SDK1: variants seen among roughly 807,000 people sequenced by gnomAD.
SDK1 encodes protein sidekick-1.
SDK1 carries 157 observed loss-of-function variants against 245.5 expected under a neutral mutation model. That is an observed-to-expected ratio of 0.64 (90% CI 0.56 to 0.73). The LOEUF (loss-of-function observed/expected upper bound fraction) is 0.73. Among genes scored for constraint, SDK1 ranks in the 30% least tolerant of loss-of-function variants. The pLI is 0.00. For missense variants in SDK1, 3,583 were observed against 3,002.3 expected (o/e 1.19, Z -4.52); for synonymous variants, 1,647 against 1,278.5 (o/e 1.29, Z -6.15).
At chr7:3,831,122 A>G (rs1376978400) in intron 5 of SDK1, among the ~76,000 whole-genome samples, 2 of 152,236 alleles carry the variant, frequency 1.3e-5, no homozygotes, top group Non-Finnish European at 2.9e-5. Context: ...CAGTCATTTT[A>G]CAATCTCTGA....
intron 1 of SDK1, among the ~76,000 whole-genome samples, chr7:3,465,899 G>A (rs140996290): frequency 0.011 from 1,718 of 152,284 alleles, 39 homozygotes; most frequent in African/African-American, 0.04. Flanking sequence ...TACACCTAAG[G>A]CGTTCACACA....
At chr7:4,153,996 A>G (rs1230977014) in intron 30 of SDK1, among the ~76,000 whole-genome samples, 7 of 152,188 alleles carry the variant, frequency 4.6e-5, no homozygotes, top group African/African-American at 1.7e-4. Context: ...TGAATTCTTA[A>G]GAAACATTTT....
intron 1 of SDK1, among the ~76,000 whole-genome samples, chr7:3,408,184 T>A (rs932314821): frequency 6.6e-6 from 1 of 152,002 alleles, no homozygotes; most frequent in East Asian, 1.9e-4. Context: ...ACTACAGATA[T>A]GTGCCACCAT....
chr7:3,977,264 GCTGCCACA>G (rs1783012512), intron 13 of SDK1, among the ~76,000 whole-genome samples: 1 of 46,072 alleles, frequency 2.2e-5, no homozygotes, highest in Non-Finnish European at 4.0e-5. Context: ...AGGCTGCGAG[GCTGCCACA>G]CAGACGGTCC....
intron 5 of SDK1, among the ~76,000 whole-genome samples, chr7:3,867,775 T>C (rs1297264511): frequency 4.6e-5 from 7 of 152,352 alleles, no homozygotes; most frequent in Admixed American, 4.6e-4. Context: ...GCTTATTTTC[T>C]GGCTTTGGGG....
chr7:4,228,289 C>G (rs539550183), intron 40 of SDK1, among the ~76,000 whole-genome samples: 1 of 149,564 alleles, frequency 6.7e-6, no homozygotes, highest in South Asian at 2.1e-4. Context: ...GGTGCTCTTT[C>G]GGGCAGCCAG....
intron 1 of SDK1, among the ~76,000 whole-genome samples, chr7:3,406,745 A>G (rs1402949181): frequency 6.6e-6 from 1 of 152,190 alleles, no homozygotes; most frequent in African/African-American, 2.4e-5. Context: ...TGGAGAAAGC[A>G]TGCACAATGT....
chr7:3,371,926 C>T (rs531225710), intron 1 of SDK1, among the ~76,000 whole-genome samples: 1 of 152,166 alleles, frequency 6.6e-6, no homozygotes, highest in Non-Finnish European at 1.5e-5. Context: ...TAGGATAAAA[C>T]AATCCCAGGA....
chr7:3,739,426 G>C (rs1432620635), intron 4 of SDK1, among the ~76,000 whole-genome samples: 2 of 151,602 alleles, frequency 1.3e-5, no homozygotes, highest in African/African-American at 4.9e-5. Flanking sequence ...TCTATTAGTT[G>C]TGTGTTGGCA....
intron 4 of SDK1, among the ~76,000 whole-genome samples, chr7:3,705,824 C>G (rs1784871211): frequency 1.3e-5 from 2 of 151,936 alleles, no homozygotes; most frequent in South Asian, 2.1e-4. Context: ...AGTGGTCATC[C>G]TTGACCTATT....
Position 3,546,655 on chromosome 7 carries a change from G to A in SDK1, c.299-72425G>A, listed in dbSNP as rs927907087. On this transcript the variant is annotated intron_variant, in intron 1 of 44. Transcript: ENST00000404826. ...AAGACACGCTGTGGTGGGCTGCCCA[G>A]GGGGGACGTCTCCCAAACTGTACTG... Among the ~76,000 whole-genome samples, 110 of 142,298 alleles carry A rather than the reference G, an allele frequency of 7.7e-4. 1 individual carries two copies. Among genetic ancestry groups the A allele is most frequent in the African/African-American group, 2.9e-3 (107 of 36,778 alleles). 93.4% of individuals were successfully genotyped at this position (142,298 alleles called of 152,430 possible).
chr7:3,942,409 C>T (rs1012968004), intron 5 of SDK1, among the ~76,000 whole-genome samples: 3 of 152,200 alleles, frequency 2.0e-5, no homozygotes, highest in East Asian at 1.9e-4. Context: ...ATCCCTTCAT[C>T]TTCTCTCCAG....
chr7:3,320,467 A>T (rs1169679884), intron 1 of SDK1, among the ~76,000 whole-genome samples: 1 of 152,172 alleles, frequency 6.6e-6, no homozygotes, highest in Non-Finnish European at 1.5e-5. Flanking sequence ...CTGTTAAAAA[A>T]TTAGCCTTAA....
chr7:3,939,727 G>C (rs529446771), intron 5 of SDK1, among the ~76,000 whole-genome samples: 1 of 152,184 alleles, frequency 6.6e-6, no homozygotes, highest in Non-Finnish European at 1.5e-5. Context: ...CCCGGGAGCA[G>C]AGCCACAGCC....
At chr7:3,777,402 A>T (rs1313056814) in intron 4 of SDK1, among the ~76,000 whole-genome samples, 1 of 152,184 alleles carries the variant, frequency 6.6e-6, no homozygotes, top group Non-Finnish European at 1.5e-5. Context: ...ATCCAGTTTG[A>T]TCCTCACCTT....
intron 16 of SDK1, among the ~76,000 whole-genome samples, chr7:4,015,593 A>T (rs1389444465): frequency 7.2e-5 from 11 of 152,198 alleles, no homozygotes; most frequent in Non-Finnish European, 1.5e-4. Context: ...CGGTGATCTG[A>T]ACACCACCTG....
intron 1 of SDK1, among the ~76,000 whole-genome samples, chr7:3,608,276 C>T (rs1383870047): frequency 6.6e-6 from 1 of 152,164 alleles, no homozygotes; most frequent in Non-Finnish European, 1.5e-5. Context: ...CTGCTGTACG[C>T]CAAAATGTGC....
chr7:3,311,319 G>A (rs536966012), intron 1 of SDK1, among the ~76,000 whole-genome samples: 1 of 152,080 alleles, frequency 6.6e-6, no homozygotes, highest in Non-Finnish European at 1.5e-5. Flanking sequence ...AAATAGATGA[G>A]AACAAAAGGC....
At chr7:3,602,055 A>G (rs1008886219) in intron 1 of SDK1, among the ~76,000 whole-genome samples, 1 of 151,606 alleles carries the variant, frequency 6.6e-6, no homozygotes, top group African/African-American at 2.4e-5. Context: ...TATGTGCCAC[A>G]TTTTCTTAAT....
Sources: gnomAD v4.1 joint callset for allele counts (sites outside exome capture counted in the v4.1 genomes callset) on GRCh38, gnomAD v4.1.1 for gene constraint, MANE v1.5 for transcripts, NCBI Gene and HGNC (gene_info 2026-07-23, HGNC 2026-07-21) for gene names.